Variants in TTC39A observed in about 807,000 individuals in gnomAD.
The protein encoded by TTC39A is tetratricopeptide repeat domain 39A.
Under a neutral mutation model 82.3 loss-of-function variants are expected in TTC39A, and 46 were observed. That is an observed-to-expected ratio of 0.56 (90% confidence interval 0.44 to 0.71). The LOEUF is 0.71. Ranked by LOEUF, TTC39A falls within the 30% of genes least tolerant of loss-of-function variation. TTC39A has a pLI of 0.00. For missense variants in TTC39A, 543 were observed against 712.9 expected, an observed-to-expected ratio of 0.76 and a Z score of 2.71; for synonymous variants, 254 against 275.2, an observed-to-expected ratio of 0.92 and a Z score of 0.76.
Position 51,327,056 on chromosome 1 carries a change from C to T in TTC39A, c.41+3381G>A, listed in dbSNP as rs544092834. Among the ~76,000 whole-genome samples the T allele has an allele frequency of 2.3e-3, 344 of 152,312 alleles. 5 individuals are homozygous for T. The highest frequency in any genetic ancestry group is 6.4e-3 in the African/African-American group (265 of 41,560). On this transcript the variant is annotated intron_variant, in intron 1 of 17. Transcript: ENST00000680483. The stretch of plus-strand genomic sequence containing the variant: ...GAGGGGGTGTCAGGTAGCCTGGAGC[C>T]GCCCCCACTCTCCCCTTCCCTCCCA...
chr1:51,328,573 A>G (rs1027788112), intron 1 of TTC39A, among the ~76,000 whole-genome samples: 2 of 152,232 alleles, frequency 1.3e-5, no homozygotes, highest in East Asian at 3.8e-4. Context: ...AAAAACAGAG[A>G]AATGATAAAA....
In TTC39A at chr1:51,321,548, C is replaced by A. The variant is rs1557736746; in HGVS notation, c.146+173G>T. On this transcript the variant is annotated intron_variant, in intron 2 of 17. Coordinates refer to ENST00000680483, the MANE Select transcript of TTC39A (RefSeq NM_001297663.2). The surrounding 1 kb of genome is among the most constrained non-coding windows in gnomAD (Gnocchi z 4.6). Reference sequence around the variant, plus strand: ...CACAGTGACCTTGGAGAGGGCCTGGCTGCACACAGGCCGTGGAATGGAGCT... The same window carrying A: ...CACAGTGACCTTGGAGAGGGCCTGGATGCACACAGGCCGTGGAATGGAGCT... Among the ~76,000 whole-genome samples the A allele has an allele frequency of 6.6e-6, 1 of 152,228 alleles. No individual in the cohort carries two copies. The highest frequency in any genetic ancestry group is 1.5e-5 in the Non-Finnish European group (1 of 68,044).
At chr1:51,344,960 C>G in intron 1 of TTC39A, 1 of 1,526,404 alleles carries the variant, frequency 6.6e-7, no homozygotes, top group Non-Finnish European at 8.8e-7. Context: ...CCGTCCGCGC[C>G]TTCCGCCGAG....
chr1:51,303,294 G>A, intron 8 of TTC39A, 102 bp from the exon 9 acceptor site: 2 of 1,008,518 alleles, frequency 2.0e-6, no homozygotes. Context: ...GGGCGGAAGA[G>A]CACTGGAACC....
chr1:51,315,327 C>T (rs889243490), intron 2 of TTC39A, among the ~76,000 whole-genome samples: 17 of 152,374 alleles, frequency 1.1e-4, no homozygotes, highest in Middle Eastern at 6.8e-3. Flanking sequence ...GGTATGACAA[C>T]CCTCAAACCT....
intron 3 of TTC39A, among the ~76,000 whole-genome samples, 193 bp from the exon 4 acceptor site, chr1:51,312,388 T>C (rs1490688526): frequency 1.3e-5 from 2 of 152,202 alleles, no homozygotes; most frequent in African/African-American, 2.4e-5. Flanking sequence ...GCTCAGTGCC[T>C]TCACTGGTCA....
In TTC39A at chr1:51,321,868, C is replaced by T. The variant is rs1557737274; in HGVS notation, c.42-43G>A. ...GGGCATGACACAGGGGCCCTCCAAC[C>T]CTCCAGCCTCTCCTGGCTGGAACAG... On this transcript the variant is annotated intron_variant, in intron 1 of 17. Transcript: ENST00000680483. This position sits in a 1 kb window ranked among gnomAD's most constrained non-coding sequence, Gnocchi z 4.6. The T allele has an allele frequency of 6.4e-7, 1 of 1,556,994 alleles. No homozygotes were observed. The highest frequency in any genetic ancestry group is 8.8e-7 in the Non-Finnish European group (1 of 1,139,544).
chr1:51,333,727 T>C (rs1009960408), upstream of TTC39A, among the ~76,000 whole-genome samples: 1 of 151,970 alleles, frequency 6.6e-6, no homozygotes, highest in Non-Finnish European at 1.5e-5. Context: ...GTGTTTGGGG[T>C]GGTGGGGAGC....
intron 9 of TTC39A, 58 bp downstream of exon 9, chr1:51,303,026 C>A: frequency 6.8e-7 from 1 of 1,464,878 alleles, no homozygotes; most frequent in South Asian, 1.2e-5. Context: ...GCCCCTCGTT[C>A]TCCTTCCCCC....
upstream of TTC39A, chr1:51,335,439 T>C (rs1229584028): frequency 6.7e-6 from 1 of 148,770 alleles, no homozygotes; most frequent in African/African-American, 2.5e-5. Context: ...TGGACACCTG[T>C]AATCCCAGCT....
At chr1:51,323,482 G>T (rs531883974) in intron 1 of TTC39A, among the ~76,000 whole-genome samples, 1 of 151,940 alleles carries the variant, frequency 6.6e-6, no homozygotes, top group African/African-American at 2.4e-5. Context: ...TCTTTACCCA[G>T]GTCTGTTGGA....
intron 6 of TTC39A, among the ~76,000 whole-genome samples, chr1:51,307,518 G>A (rs1028273185): frequency 4.6e-5 from 7 of 152,116 alleles, no homozygotes; most frequent in Non-Finnish European, 1.0e-4. Flanking sequence ...CAGATCACCT[G>A]AGGTCAGGAG....
At chr1:51,297,180 AAG>A (rs1446082353) in intron 12 of TTC39A, 2 of 151,286 alleles carry the variant, frequency 1.3e-5, no homozygotes, top group Admixed American at 6.6e-5. Flanking sequence ...CCACGGCGGG[AAG>A]AGTCTCCCTC....
At position 51,302,583 on chromosome 1, in the gene TTC39A, A is replaced by ATGGTG; in HGVS notation, c.764-15_764-11dup. 6.3e-7 allele frequency: 1 copy of ATGGTG among 1,594,330 alleles called. No homozygotes were observed. On this transcript the variant is annotated splice_polypyrimidine_tract_variant and intron_variant, in intron 9 of 17. Coordinates refer to ENST00000680483, the MANE Select transcript of TTC39A (RefSeq NM_001297663.2). ...TTGACGTTCCCAGTACCTGGAGGAG[A>ATGGTG]TGGTGGGGGAGACACAGAACATGTC... is the stretch of plus-strand genomic sequence containing the variant.
In TTC39A at chr1:51,321,904, G is replaced by T; in HGVS notation, c.42-79C>A. On this transcript the variant is annotated intron_variant, in intron 1 of 17. Coordinates refer to ENST00000680483, the MANE Select transcript of TTC39A (RefSeq NM_001297663.2). This position sits in a 1 kb window ranked among gnomAD's most constrained non-coding sequence, Gnocchi z 4.6. Reference sequence around the variant, plus strand: ...TCCTGGCTGGAACAGAGCCTCACAGGGTCTACTCAGCCTCCCTGGCCAGCC... The same window carrying T: ...TCCTGGCTGGAACAGAGCCTCACAGTGTCTACTCAGCCTCCCTGGCCAGCC... 7.0e-7 allele frequency: 1 copy of T among 1,436,992 alleles called. No individual in the cohort carries two copies. The highest frequency in any genetic ancestry group is 9.6e-7 in the Non-Finnish European group (1 of 1,044,224). The allele number at this position is 1,436,992 out of a possible 1,614,324, so 89.0% of individuals were successfully genotyped here.
Position 51,290,153 on chromosome 1 carries a change from T to C in TTC39A, c.1379-34A>G, listed in dbSNP as rs369258870. On this transcript the variant is annotated intron_variant, in intron 15 of 17. Transcript: ENST00000680483. ...AGGGATGTGAGGGAAAAAGACAGAC[T>C]TGTTCATTTCTGCAGCAGTTACTTA... 1.4e-5 allele frequency: 23 copies of C among 1,596,276 alleles called. No individual in the cohort carries two copies. In the African/African-American group the frequency reaches 3.0e-4, roughly 21 times the overall value.
intron 16 of TTC39A, 93 bp from the exon 17 acceptor site, chr1:51,289,048 G>T: frequency 1.7e-6 from 2 of 1,162,592 alleles, no homozygotes; most frequent in Non-Finnish European, 2.5e-6. Flanking sequence ...AATTTTGGGA[G>T]GTTCCCACTA....
In TTC39A at chr1:51,288,448, G is replaced by C. The variant is rs1644073729; in HGVS notation, c.1611-168C>G. Reference sequence around the variant, plus strand: ...ATGGGAGAGTTAACCAGAAGGGTTTGTGGCCCCTCATCCCTGGTATCATGG... The same window carrying C: ...ATGGGAGAGTTAACCAGAAGGGTTTCTGGCCCCTCATCCCTGGTATCATGG... On this transcript the variant is annotated intron_variant, in intron 17 of 17. Transcript: ENST00000680483. The surrounding 1 kb of genome is among the most constrained non-coding windows in gnomAD (Gnocchi z 4.8). Among the ~76,000 whole-genome samples the C allele has an allele frequency of 6.6e-6, 1 of 152,182 alleles. No homozygotes were observed. The highest frequency in any genetic ancestry group is 1.5e-5 in the Non-Finnish European group (1 of 68,016).
intron 2 of TTC39A, among the ~76,000 whole-genome samples, chr1:51,320,231 G>C (rs1309107630): frequency 6.6e-6 from 1 of 152,080 alleles, no homozygotes; most frequent in African/African-American, 2.4e-5. Context: ...TGATGGAGTG[G>C]TTATAAAGAC....
Sources: gnomAD v4.1 joint callset for allele counts (sites outside exome capture counted in the v4.1 genomes callset) on GRCh38, gnomAD v4.1.1 for gene constraint, Gnocchi (gnomAD v3.1) non-coding constraint, MANE v1.5 for transcripts, NCBI Gene and HGNC (gene_info 2026-07-23, HGNC 2026-07-21) for gene names.